REPS2: variants seen among roughly 807,000 people sequenced by gnomAD.
REPS2 encodes the protein ralBP1-associated Eps domain-containing protein 2.
A neutral mutation model predicts 53.6 loss-of-function variants in REPS2; 23 were observed. The ratio of observed to expected loss-of-function variants is 0.43; its 90% CI spans 0.31 to 0.61. The LOEUF (loss-of-function observed/expected upper bound fraction) is 0.61, where lower values mean the gene tolerates loss of function less well. REPS2 is among the 20% of genes least tolerant of loss of function. The pLI is 0.11. For synonymous variants in REPS2, 238 were observed against 218.6 expected (o/e 1.09, Z -0.78); for missense variants, 446 against 534.9 (o/e 0.83, Z 1.64).
chrX:17,067,021 T>C (rs187671738), intron 9 of REPS2, among the ~76,000 whole-genome samples: 1 of 112,413 alleles, frequency 8.9e-6, no homozygotes, highest in Admixed American at 9.4e-5. Flanking sequence ...GTAAACCAAT[T>C]AACTTTTTGG....
At chrX:17,188,553 C>T in the REPS2 span, among the ~76,000 whole-genome samples, 3 of 111,965 alleles carry the variant, frequency 2.7e-5, no homozygotes, top group Admixed American at 2.8e-4. Context: ...CTAGGAAAGG[C>T]TCAGCTGTCA....
At position 17,020,651 on chromosome X, in the gene REPS2, A is replaced by G. The variant is rs193019941; in HGVS notation, c.398-1472A>G. On this transcript the variant is annotated intron_variant, in intron 2 of 17. Coordinates refer to ENST00000357277, the MANE Select transcript of REPS2 (RefSeq NM_004726.3). The stretch of plus-strand genomic sequence containing the variant: ...TGCTTCTTTTTTTTTTTTCTGGTAC[A>G]GAATTTTGCTCTTGTTGCCCAGGCT... Among the ~76,000 whole-genome samples, 679 of 108,330 alleles carry G rather than the reference A, an allele frequency of 6.3e-3. 2 individuals are homozygous for G. The highest frequency in any genetic ancestry group is 0.01 in the Non-Finnish European group (525 of 52,264). 94.1% of individuals were successfully genotyped at this position (108,330 alleles called of 115,157 possible). A position where few individuals can be genotyped will look rare whatever the true frequency, so the allele number is the denominator to read the frequency against.
chrX:17,147,431 A>G lies in REPS2; in HGVS notation c.1933A>G (p.Ile645Val). 8.3e-7 allele frequency: 1 copy of G among 1,208,179 alleles called. No individual in the cohort carries two copies. The highest frequency in any genetic ancestry group is 1.7e-5 in the African/African-American group (1 of 57,765). Residue 645 changes from isoleucine (I) to valine (V), a missense_variant, in exon 18 of 18, where the codon ATT becomes GTT. By Grantham distance (29) the Ile-to-Val change is conservative. Coordinates refer to ENST00000357277, the MANE Select transcript of REPS2 (RefSeq NM_004726.3). ...AACTCAGGAGGTTCATCAAGAACGAATTGCATTGGAAAACCAATTGGAACA... is the reference window on the plus strand; with the variant it reads ...AACTCAGGAGGTTCATCAAGAACGAGTTGCATTGGAAAACCAATTGGAACA... ...QQLKEVHQER[I>V]ALENQLEQLR...
chrX:17,160,187 G>T, the REPS2 span, among the ~76,000 whole-genome samples: 2 of 112,496 alleles, frequency 1.8e-5, no homozygotes, highest in African/African-American at 6.5e-5. Context: ...GTACACATTG[G>T]TTTGTTCTTT....
chrX:17,044,916 T>G (rs2061885013), intron 5 of REPS2, among the ~76,000 whole-genome samples: 1 of 111,304 alleles, frequency 9.0e-6, no homozygotes, highest in African/African-American at 3.3e-5. Context: ...CGGACTGGAT[T>G]TTGATTTTTT....
chrX:16,988,847 T>C (rs746832166), intron 1 of REPS2, among the ~76,000 whole-genome samples: 2 of 112,240 alleles, frequency 1.8e-5, no homozygotes, highest in African/African-American at 6.5e-5. Context: ...TGTTCCAGGA[T>C]TGGAAGACTC....
At chrX:17,183,019 T>TA in the REPS2 span, among the ~76,000 whole-genome samples, 15,294 of 111,479 alleles carry the variant, frequency 0.14, 842 homozygotes, top group East Asian at 0.18. Context: ...AATTAACTTC[T>TA]AAAAAAAATA....
chrX:17,115,797 T>G, intron 14 of REPS2, among the ~76,000 whole-genome samples: 1 of 112,320 alleles, frequency 8.9e-6, no homozygotes, highest in Non-Finnish European at 1.9e-5. Context: ...CCTTAATCCG[T>G]TTAACCCTGA....
intron 1 of REPS2, among the ~76,000 whole-genome samples, chrX:16,974,114 A>T (rs1248255639): frequency 8.9e-6 from 1 of 111,836 alleles, no homozygotes; most frequent in Non-Finnish European, 1.9e-5. Context: ...AGGAAATTTA[A>T]TATCAGTACT....
At chrX:17,121,209 T>G (rs758280231) in intron 14 of REPS2, among the ~76,000 whole-genome samples, 1 of 112,109 alleles carries the variant, frequency 8.9e-6, no homozygotes, top group Admixed American at 9.4e-5. Flanking sequence ...AACAAGCCTG[T>G]CCAGAGAAAA....
At chrX:17,182,309 G>C in the REPS2 span, among the ~76,000 whole-genome samples, 1 of 111,374 alleles carries the variant, frequency 9.0e-6, no homozygotes, top group South Asian at 3.8e-4. Flanking sequence ...CATAGAAGTA[G>C]AGAGAGATGC....
At chrX:17,024,957 C>A in intron 3 of REPS2, 102 bp from the exon 4 acceptor site, 1 of 1,120,116 alleles carries the variant, frequency 8.9e-7, no homozygotes. Context: ...TTTGTTAAAC[C>A]AGCTGGGTCA....
At chrX:17,196,130 A>T in the REPS2 span, among the ~76,000 whole-genome samples, 2 of 112,228 alleles carry the variant, frequency 1.8e-5, no homozygotes, top group African/African-American at 6.5e-5. Flanking sequence ...ATGCAATAAG[A>T]TGAAGGCCTA....
intron 1 of REPS2, among the ~76,000 whole-genome samples, chrX:16,983,901 A>T (rs1043147886): frequency 1.8e-5 from 2 of 112,705 alleles, no homozygotes; most frequent in Non-Finnish European, 3.7e-5. Flanking sequence ...AATTCGAAGC[A>T]CATCTGTTTG....
chrX:17,072,119 C>CA (rs1267148413), intron 11 of REPS2, among the ~76,000 whole-genome samples: 1 of 111,360 alleles, frequency 9.0e-6, no homozygotes, highest in Admixed American at 9.5e-5. Flanking sequence ...TGGAGTAGAG[C>CA]AGTTCTGTCC....
chrX:17,182,140 G>GTCTGTCTATCTA, the REPS2 span, among the ~76,000 whole-genome samples: 41 of 101,256 alleles, frequency 4.0e-4, 1 homozygote, highest in South Asian at 9.4e-4. Flanking sequence ...TGCTCTATCT[G>GTCTGTCTATCTA]TCTATCTATC....
chrX:16,948,817 A>G (rs941539875), intron 1 of REPS2, among the ~76,000 whole-genome samples: 2 of 112,182 alleles, frequency 1.8e-5, no homozygotes, highest in Non-Finnish European at 3.8e-5. Flanking sequence ...CTGCTTGCAA[A>G]AGACTGCTTC....
At chrX:16,949,808 C>T (rs1244446696) in intron 1 of REPS2, among the ~76,000 whole-genome samples, 1 of 111,185 alleles carries the variant, frequency 9.0e-6, no homozygotes, top group Non-Finnish European at 1.9e-5. Context: ...CCGACACACC[C>T]GTAGCTTTCC....
At chrX:16,999,817 C>T (rs371321709) in intron 1 of REPS2, among the ~76,000 whole-genome samples, 1,403 of 108,461 alleles carry the variant, frequency 0.013, 26 homozygotes, top group African/African-American at 0.045. Flanking sequence ...GAGGCCGAGG[C>T]GGGCGGATCA....
Sources: allele counts gnomAD v4.1 joint callset (sites outside exome capture counted in the v4.1 genomes callset), GRCh38; gene constraint gnomAD v4.1.1; transcripts MANE v1.5; gene names NCBI Gene and HGNC (gene_info 2026-07-23, HGNC 2026-07-21).